The following BAZ2B variants were observed in gnomAD, a reference collection of about 807,000 sequenced individuals.
BAZ2B encodes the protein bromodomain adjacent to zinc finger domain 2B.
In BAZ2B, 91 loss-of-function variants were observed where a neutral mutation model predicts 246.0. The observed-to-expected ratio is 0.37, with a 90% confidence interval of 0.31 to 0.44. The LOEUF (loss-of-function observed/expected upper bound fraction) is 0.44. Among genes scored for constraint, BAZ2B ranks in the 20% least tolerant of loss-of-function variants. The pLI, the probability that BAZ2B is intolerant of heterozygous loss-of-function variation, is 1.00. For missense variants in BAZ2B, 2,332 were observed against 2,533.7 expected (o/e 0.92, Z 1.71); for synonymous variants, 855 against 860.0 (o/e 0.99, Z 0.10).
chr2:159,682,904 A>ACCCCCCCCCCCCCCCC, the BAZ2B span, among the ~76,000 whole-genome samples: 3 of 95,342 alleles, frequency 3.1e-5, no homozygotes, highest in African/African-American at 1.1e-4. Flanking sequence ...ATAAACTGCC[A>ACCCCCCCCCCCCCCCC]CCCCTCCCCC....
At chr2:159,489,885 C>A (rs2080251442) in intron 2 of BAZ2B, among the ~76,000 whole-genome samples, 1 of 152,054 alleles carries the variant, frequency 6.6e-6, no homozygotes, top group Non-Finnish European at 1.5e-5. Flanking sequence ...TGCACTCCAG[C>A]CAGGGTGAGA....
chr2:159,682,919 C>T, the BAZ2B span, among the ~76,000 whole-genome samples: 3 of 131,660 alleles, frequency 2.3e-5, 1 homozygote, highest in South Asian at 7.3e-4. Context: ...TCCCCCCCCC[C>T]ACACACACCT....
At chr2:159,590,486 G>A (rs946211823) in intron 1 of BAZ2B, among the ~76,000 whole-genome samples, 3 of 151,954 alleles carry the variant, frequency 2.0e-5, no homozygotes, top group Non-Finnish European at 2.9e-5. Flanking sequence ...AGCTACTAGA[G>A]AGGCTGAGGT....
At chr2:159,340,824 A>G (rs2066564008) in intron 31 of BAZ2B, among the ~76,000 whole-genome samples, 1 of 152,098 alleles carries the variant, frequency 6.6e-6, no homozygotes. Context: ...AAACTATAAA[A>G]CTCACTGGGA....
chr2:159,669,562 G>GT, the BAZ2B span, among the ~76,000 whole-genome samples: 14 of 151,976 alleles, frequency 9.2e-5, no homozygotes, highest in Non-Finnish European at 1.9e-4. Flanking sequence ...TTTGCTTCAT[G>GT]TATGTTTAAG....
intron 4 of BAZ2B, among the ~76,000 whole-genome samples, 192 bp downstream of exon 4, chr2:159,453,421 C>A (rs780772832): frequency 5.3e-5 from 8 of 152,194 alleles, no homozygotes; most frequent in Non-Finnish European, 7.3e-5. Flanking sequence ...ATCTAATTAA[C>A]TGCTCTGCCA....
In BAZ2B at chr2:159,438,412, T is replaced by G; in HGVS notation, c.1184A>C (p.Lys395Thr). 1 of 1,614,188 alleles carries G rather than the reference T, an allele frequency of 6.2e-7. No individual in the cohort carries two copies. The highest frequency in any genetic ancestry group is 8.5e-7 in the Non-Finnish European group (1 of 1,180,020). ...KPLSLVNQAK[K>T]ETYMKLIVPS... Reference sequence around the variant, plus strand: ...AACTATGAGTTTCATGTAAGTTTCCTTTTTGGCTTGATTTACCAAAGATAA... The same window carrying G: ...AACTATGAGTTTCATGTAAGTTTCCGTTTTGGCTTGATTTACCAAAGATAA... The change falls in exon 8 of 37, where the codon AAG (lysine) becomes ACG (threonine). Residue 395 changes from lysine (K) to threonine (T), a missense_variant. Lys to Thr is a moderately conservative substitution (Grantham distance 78). Coordinates refer to ENST00000392783, the MANE Select transcript of BAZ2B (RefSeq NM_013450.4).
intron 16 of BAZ2B, chr2:159,404,371 A>AT (rs3061984): frequency 0.03 from 4,166 of 138,846 alleles, 174 homozygotes; most frequent in African/African-American, 0.088. Context: ...TGCTGTCATC[A>AT]TTTTTTTTTT....
chr2:159,594,238 C>T (rs1183332247), intron 1 of BAZ2B, among the ~76,000 whole-genome samples: 1 of 152,142 alleles, frequency 6.6e-6, no homozygotes, highest in Non-Finnish European at 1.5e-5. Context: ...AACCCCGTCT[C>T]TACTAAAAAT....
At chr2:159,663,915 G>A in the BAZ2B span, among the ~76,000 whole-genome samples, 2 of 94,744 alleles carry the variant, frequency 2.1e-5, no homozygotes, top group African/African-American at 7.9e-5. Context: ...TAGGGTACAT[G>A]TGCACATTGT....
intron 3 of BAZ2B, chr2:159,459,284 A>G (rs2076145762): frequency 6.6e-6 from 1 of 152,248 alleles, no homozygotes; most frequent in South Asian, 2.1e-4. Flanking sequence ...GGCAGAGGCA[A>G]CACTTCATAA....
intron 1 of BAZ2B, among the ~76,000 whole-genome samples, chr2:159,589,385 T>C (rs1024277681): frequency 2.6e-5 from 4 of 151,436 alleles, no homozygotes; most frequent in African/African-American, 9.7e-5. Context: ...AAAACATAGA[T>C]TAAACATAAT....
chr2:159,703,494 C>CA, the BAZ2B span, among the ~76,000 whole-genome samples: 1 of 151,764 alleles, frequency 6.6e-6, no homozygotes, highest in African/African-American at 2.4e-5. Context: ...CTACCCCCCG[C>CA]AAAAAAAAAG....
the BAZ2B span, among the ~76,000 whole-genome samples, chr2:159,644,153 T>C: frequency 6.6e-6 from 1 of 152,180 alleles, no homozygotes; most frequent in African/African-American, 2.4e-5. Flanking sequence ...CTCAAGGTAC[T>C]ATTCATCTTG....
At chr2:159,438,115 A>T in intron 8 of BAZ2B, 188 bp downstream of exon 8, 1 of 582,766 alleles carries the variant, frequency 1.7e-6, no homozygotes, top group Non-Finnish European at 2.9e-6. Flanking sequence ...AAAATACATT[A>T]AACAGATACA....
At chr2:159,522,918 T>C (rs1199751530) in intron 2 of BAZ2B, among the ~76,000 whole-genome samples, 2 of 152,114 alleles carry the variant, frequency 1.3e-5, no homozygotes, top group Non-Finnish European at 2.9e-5. Flanking sequence ...ATCTAGCTCA[T>C]TGCTACTCCA....
At chr2:159,512,123 T>C (rs1177152287) in intron 2 of BAZ2B, among the ~76,000 whole-genome samples, 1 of 151,376 alleles carries the variant, frequency 6.6e-6, no homozygotes, top group African/African-American at 2.4e-5. Flanking sequence ...TCATTCAGAC[T>C]CATATCCTAT....
chr2:159,618,396 TATTAACTC>T (rs1696290902), upstream of BAZ2B, among the ~76,000 whole-genome samples: 1 of 152,160 alleles, frequency 6.6e-6, no homozygotes, highest in Non-Finnish European at 1.5e-5. Context: ...TATAATATAT[TATTAACTC>T]ATATTTAATT....
chr2:159,353,335 G>C (rs1044253592), intron 27 of BAZ2B, among the ~76,000 whole-genome samples: 3 of 152,208 alleles, frequency 2.0e-5, no homozygotes, highest in Non-Finnish European at 2.9e-5. Context: ...TGAAACAACA[G>C]TTTGCAGGAA....
Sources: allele counts gnomAD v4.1 joint callset (sites outside exome capture counted in the v4.1 genomes callset), GRCh38; gene constraint gnomAD v4.1.1; transcripts MANE v1.5; gene names NCBI Gene and HGNC (gene_info 2026-07-23, HGNC 2026-07-21).